Variants in LRP1B observed in about 807,000 individuals in gnomAD.
LRP1B encodes the protein LDL receptor related protein 1B.
In LRP1B, 217 loss-of-function variants were observed where a neutral mutation model predicts 556.6. The ratio of observed to expected loss-of-function variants is 0.39; its 90% CI spans 0.35 to 0.44. LRP1B has a LOEUF of 0.44. LRP1B is among the 20% of genes least tolerant of loss of function. The pLI is 1.00. For synonymous variants in LRP1B, 2,047 were observed against 1,865.8 expected (o/e 1.10, Z -2.50); for missense variants, 5,053 against 5,620.8 (o/e 0.90, Z 3.23).
At chr2:140,590,798 C>T (rs1682191570) in intron 43 of LRP1B, among the ~76,000 whole-genome samples, 1 of 152,136 alleles carries the variant, frequency 6.6e-6, no homozygotes, top group African/African-American at 2.4e-5. Flanking sequence ...ACAGAGCACA[C>T]TAAGACAACA....
At chr2:141,955,354 G>A (rs1055829716) in intron 1 of LRP1B, among the ~76,000 whole-genome samples, 1 of 152,110 alleles carries the variant, frequency 6.6e-6, no homozygotes, top group Non-Finnish European at 1.5e-5. Context: ...GTAACATAGT[G>A]TATGCATTTT....
At chr2:141,426,719 T>C (rs75069528) in intron 3 of LRP1B, among the ~76,000 whole-genome samples, 4,686 of 152,290 alleles carry the variant, frequency 0.031, 250 homozygotes, top group African/African-American at 0.1. Context: ...CTTTTTTATT[T>C]GTTATTTATT....
intron 2 of LRP1B, among the ~76,000 whole-genome samples, chr2:141,750,040 G>A (rs184715138): frequency 4.0e-4 from 61 of 152,286 alleles, no homozygotes; most frequent in African/African-American, 1.4e-3. Flanking sequence ...TCAATAGCCA[G>A]TGAGTGCTCA....
chr2:140,429,583 T>C lies in LRP1B; in HGVS notation c.10414+12921A>G, dbSNP rs112870567. Among the ~76,000 whole-genome samples the C allele has an allele frequency of 6.6e-5, 10 of 152,212 alleles. 1 individual carries two copies. The highest frequency in any genetic ancestry group is 2.4e-4 in the African/African-American group (10 of 41,522). The stretch of plus-strand genomic sequence containing the variant: ...GTTACCTATCTCGGCATAATTCTCA[T>C]AAAAACACACGTGCTCTCCCTGCTG... On this transcript the variant is annotated intron_variant, in intron 66 of 90. Coordinates refer to ENST00000389484, the MANE Select transcript of LRP1B (RefSeq NM_018557.3).
intron 41 of LRP1B, among the ~76,000 whole-genome samples, chr2:140,630,414 T>G: frequency 6.6e-6 from 1 of 152,174 alleles, no homozygotes; most frequent in Non-Finnish European, 1.5e-5. Flanking sequence ...AGTAAATCGA[T>G]GTCATCATCC....
chr2:140,321,763 C>T (rs1680146276), intron 82 of LRP1B, among the ~76,000 whole-genome samples, 200 bp downstream of exon 82: 1 of 152,164 alleles, frequency 6.6e-6, no homozygotes, highest in South Asian at 2.1e-4. Flanking sequence ...ATGTTCAATG[C>T]TGCTTTGTGA....
At position 141,336,599 on chromosome 2, in the gene LRP1B, T is replaced by C. The variant is rs149778329; in HGVS notation, c.344-81958A>G. ...TTATATTGAAAGTTATGTTTTGCTA[T>C]GTAGTTCTATTAATTTTAATACACG... On this transcript the variant is annotated intron_variant, in intron 3 of 90. Transcript: ENST00000389484. Among the ~76,000 whole-genome samples the C allele has an allele frequency of 4.8e-3, 732 of 152,344 alleles. 5 individuals carry two copies. The highest frequency in any genetic ancestry group is 0.016 in the African/African-American group (672 of 41,584).
At chr2:140,271,602 A>G (rs897460297) in intron 85 of LRP1B, among the ~76,000 whole-genome samples, 1 of 151,960 alleles carries the variant, frequency 6.6e-6, no homozygotes, top group African/African-American at 2.4e-5. Flanking sequence ...ATGTTTCTGA[A>G]AAGCTTAGTT....
chr2:141,652,727 T>C (rs1177139061), intron 2 of LRP1B, among the ~76,000 whole-genome samples: 2 of 152,240 alleles, frequency 1.3e-5, no homozygotes, highest in Admixed American at 1.3e-4. Flanking sequence ...CTTGATTTTT[T>C]TGAAATCATA....
At chr2:142,090,513 C>T (rs1472775113) in intron 1 of LRP1B, among the ~76,000 whole-genome samples, 1 of 152,062 alleles carries the variant, frequency 6.6e-6, no homozygotes, top group East Asian at 1.9e-4. Flanking sequence ...AATGAGAACC[C>T]AATGTTTTAA....
intron 3 of LRP1B, among the ~76,000 whole-genome samples, chr2:141,426,402 A>C (rs1452571724): frequency 6.6e-6 from 1 of 152,206 alleles, no homozygotes; most frequent in Non-Finnish European, 1.5e-5. Context: ...TAAGTATAAA[A>C]ATTTTAACTG....
chr2:141,959,665 C>T (rs1252552707), intron 1 of LRP1B, among the ~76,000 whole-genome samples: 1 of 151,786 alleles, frequency 6.6e-6, no homozygotes. Flanking sequence ...TAATAAAATA[C>T]ATTTAAAATA....
intron 2 of LRP1B, among the ~76,000 whole-genome samples, chr2:141,707,327 A>G (rs772911068): frequency 1.9e-4 from 29 of 152,094 alleles, no homozygotes; most frequent in Non-Finnish European, 3.4e-4. Context: ...CCCAATAACT[A>G]TGAACAAAAG....
At chr2:140,994,334 C>G (rs1697180291) in intron 15 of LRP1B, among the ~76,000 whole-genome samples, 199 bp from the exon 16 acceptor site, 1 of 150,942 alleles carries the variant, frequency 6.6e-6, no homozygotes. Context: ...GACAGAATTT[C>G]CTTTTTCTAA....
At chr2:140,405,379 A>T (rs1684685918) in intron 66 of LRP1B, among the ~76,000 whole-genome samples, 1 of 152,192 alleles carries the variant, frequency 6.6e-6, no homozygotes. Context: ...GCAGAATTTA[A>T]GGAAATTGAA....
chr2:141,285,388 C>G (rs1043391317), intron 3 of LRP1B, among the ~76,000 whole-genome samples: 9 of 148,152 alleles, frequency 6.1e-5, no homozygotes, highest in African/African-American at 2.0e-4. Flanking sequence ...CGCCTGGCCT[C>G]TTTTCCTTCT....
chr2:140,816,895 C>G (rs1407933812), intron 31 of LRP1B, among the ~76,000 whole-genome samples: 1 of 151,978 alleles, frequency 6.6e-6, no homozygotes, highest in Non-Finnish European at 1.5e-5. Flanking sequence ...TCACTAAAGT[C>G]CCAACAACAC....
At chr2:140,746,515 T>A (rs1688320413) in intron 35 of LRP1B, among the ~76,000 whole-genome samples, 1 of 152,158 alleles carries the variant, frequency 6.6e-6, no homozygotes, top group Non-Finnish European at 1.5e-5. Context: ...TTAGTTTGAC[T>A]CATAGTTGGA....
At chr2:140,479,289 C>T (rs997475534) in intron 59 of LRP1B, among the ~76,000 whole-genome samples, 1 of 151,712 alleles carries the variant, frequency 6.6e-6, no homozygotes, top group Non-Finnish European at 1.5e-5. Context: ...TGAAATGAAA[C>T]CCTTAAAAAT....
Sources: allele counts gnomAD v4.1 joint callset (sites outside exome capture counted in the v4.1 genomes callset), GRCh38; gene constraint gnomAD v4.1.1; transcripts MANE v1.5; gene names NCBI Gene and HGNC (gene_info 2026-07-23, HGNC 2026-07-21).